The following WNK3 variants were observed in gnomAD, a reference collection of about 807,000 sequenced individuals.
The protein encoded by WNK3 is WNK lysine deficient protein kinase 3, also known as serine/threonine-protein kinase WNK3.
A neutral mutation model predicts 116.7 loss-of-function variants in WNK3; 18 were observed. That is an observed-to-expected ratio of 0.15 (90% CI 0.11 to 0.23). WNK3 has a LOEUF of 0.23. Among genes scored for constraint, WNK3 ranks in the 10% least tolerant of loss-of-function variants. The pLI is 1.00. For synonymous variants in WNK3, 404 were observed against 469.4 expected (o/e 0.86, Z 1.80); for missense variants, 993 against 1,323.8 (o/e 0.75, Z 3.88).
At chrX:54,264,702 A>C (rs1224376909) in intron 10 of WNK3, among the ~76,000 whole-genome samples, 1 of 111,371 alleles carries the variant, frequency 9.0e-6, no homozygotes, top group African/African-American at 3.3e-5. Flanking sequence ...GGGGAGCCTA[A>C]CTTCATGAAA....
chrX:54,242,598 A>C (rs1453840228), intron 17 of WNK3, among the ~76,000 whole-genome samples: 1 of 112,517 alleles, frequency 8.9e-6, no homozygotes, highest in Non-Finnish European at 1.9e-5. Context: ...TGATGAATTG[A>C]ATTAGTCCAG....
chrX:54,318,265 C>A (rs2068985702), intron 2 of WNK3, among the ~76,000 whole-genome samples: 1 of 107,528 alleles, frequency 9.3e-6, no homozygotes. Context: ...GAGGCTGAGG[C>A]ATGAGAATTG....
At chrX:54,317,174 T>C (rs77936392) in intron 2 of WNK3, among the ~76,000 whole-genome samples, 16 of 105,988 alleles carry the variant, frequency 1.5e-4, no homozygotes, top group East Asian at 2.9e-4. Context: ...TTTTTTTTTT[T>C]CCTGAGATGG....
chrX:54,252,088 GAAAAGA>G (rs1266071785), intron 13 of WNK3, among the ~76,000 whole-genome samples: 2 of 100,351 alleles, frequency 2.0e-5, no homozygotes, highest in Non-Finnish European at 4.1e-5. Flanking sequence ...AAAAAGAAAA[GAAAAGA>G]AAAAGAAAAA....
intron 6 of WNK3, among the ~76,000 whole-genome samples, chrX:54,301,474 A>G (rs2068758164): frequency 9.0e-6 from 1 of 110,865 alleles, no homozygotes; most frequent in Non-Finnish European, 1.9e-5. Flanking sequence ...GTTAGAAGCA[A>G]ATTAACTTGT....
chrX:54,241,637 G>A (rs2068022072), intron 17 of WNK3, among the ~76,000 whole-genome samples: 1 of 111,282 alleles, frequency 9.0e-6, no homozygotes, highest in South Asian at 3.7e-4. Flanking sequence ...AAAGCAAAAG[G>A]ACAAACAAAT....
At chrX:54,245,504 T>C (rs1488513937) in intron 17 of WNK3, among the ~76,000 whole-genome samples, 5 of 109,342 alleles carry the variant, frequency 4.6e-5, no homozygotes, top group East Asian at 2.9e-4. Flanking sequence ...CACACACACA[T>C]ACACATACAT....
chrX:54,202,306 T>C (rs886394889), intron 22 of WNK3, 113 bp from the exon 23 acceptor site: 32 of 641,866 alleles, frequency 5.0e-5, no homozygotes, highest in Middle Eastern at 3.9e-4. Flanking sequence ...GGGGTGCAAT[T>C]AGGGTGAACA....
intron 6 of WNK3, 37 bp from the exon 7 acceptor site, chrX:54,298,431 C>T (rs781848075): frequency 9.7e-7 from 1 of 1,027,389 alleles, no homozygotes; most frequent in Non-Finnish European, 1.4e-6. Context: ...ATCAGTTCTT[C>T]CAATCATAGC....
At chrX:54,211,054 C>T (rs2067607032) in intron 22 of WNK3, among the ~76,000 whole-genome samples, 1 of 111,630 alleles carries the variant, frequency 9.0e-6, no homozygotes, top group African/African-American at 3.3e-5. Flanking sequence ...ATAGGGGATT[C>T]ACTTGATTTA....
intron 22 of WNK3, among the ~76,000 whole-genome samples, chrX:54,224,431 A>ATAC (rs1478137470): frequency 9.2e-6 from 1 of 109,108 alleles, no homozygotes; most frequent in Non-Finnish European, 1.9e-5. Context: ...AATAATAATA[A>ATAC]TTCTCCTTCA....
intron 2 of WNK3, among the ~76,000 whole-genome samples, chrX:54,322,843 C>G (rs1483551405): frequency 9.0e-6 from 1 of 111,451 alleles, no homozygotes; most frequent in Non-Finnish European, 1.9e-5. Context: ...CCTGCTATTA[C>G]TAACTATACC....
At chrX:54,254,216 T>C in intron 12 of WNK3, 141 bp from the exon 13 acceptor site, 3 of 409,351 alleles carry the variant, frequency 7.3e-6, no homozygotes, top group South Asian at 1.3e-4. Context: ...CTTGGTGGAA[T>C]ACCATCTAAA....
intron 1 of WNK3, among the ~76,000 whole-genome samples, chrX:54,346,972 C>A (rs1017039605): frequency 2.7e-5 from 3 of 111,705 alleles, no homozygotes; most frequent in Non-Finnish European, 5.6e-5. Context: ...CAGTAATGAA[C>A]CATGTTGGCA....
chrX:54,272,665 A>G (rs868983212), intron 10 of WNK3, among the ~76,000 whole-genome samples: 26 of 112,046 alleles, frequency 2.3e-4, no homozygotes, highest in African/African-American at 8.4e-4. Context: ...AGTGTTATAC[A>G]CATCAACAGA....
chrX:54,257,783 CTG>C (rs1557155836), intron 11 of WNK3, among the ~76,000 whole-genome samples: 2 of 68,342 alleles, frequency 2.9e-5, no homozygotes, highest in Non-Finnish European at 5.1e-5. Context: ...GAGTAAGACT[CTG>C]CCTCAAAAAA....
At position 54,246,012 on chromosome X, in the gene WNK3, T is replaced by A. The variant is rs145389082; in HGVS notation, c.3651+2685A>T. Among the ~76,000 whole-genome samples, 534 of 112,251 alleles carry A rather than the reference T, an allele frequency of 4.8e-3. 2 individuals are homozygous for A. The highest frequency in any genetic ancestry group is 0.016 in the African/African-American group (501 of 31,002). On this transcript the variant is annotated intron_variant, in intron 17 of 23. Coordinates refer to ENST00000354646, the Ensembl canonical transcript of WNK3. ...GCAAAAAACTATTTTTCCATAAAATTTTGCCTTTCTCTCATTACTAAGAAA... is the reference window on the plus strand; with the variant it reads ...GCAAAAAACTATTTTTCCATAAAATATTGCCTTTCTCTCATTACTAAGAAA...
At position 54,213,571 on chromosome X, in the gene WNK3, A is replaced by AC. The variant is rs1569535340; in HGVS notation, c.4871-11379_4871-11378insG. Among the ~76,000 whole-genome samples, 342 of 99,495 alleles carry AC rather than the reference A, an allele frequency of 3.4e-3. 1 individual carries two copies. Among genetic ancestry groups the AC allele is most frequent in the Middle Eastern group, 0.015 (3 of 200 alleles). The allele number at this position is 99,495 out of a possible 115,157, so 86.4% of individuals were successfully genotyped here. A position where few individuals can be genotyped will look rare whatever the true frequency, so the allele number is the denominator to read the frequency against. ...TCCGTCTCAAAAAAAAAAACAAACA[A>AC]AAAAAAAAAAACTAGGGGAAAAAAA... On this transcript the variant is annotated intron_variant, in intron 22 of 23. Transcript: ENST00000354646.
chrX:54,273,108 G>A (rs1271235199), intron 10 of WNK3, among the ~76,000 whole-genome samples: 1 of 111,784 alleles, frequency 8.9e-6, no homozygotes, highest in Non-Finnish European at 1.9e-5. Context: ...TGAAACCCCT[G>A]CTTCTAGTTG....
Sources: gnomAD v4.1 joint callset for allele counts (sites outside exome capture counted in the v4.1 genomes callset) on GRCh38, gnomAD v4.1.1 for gene constraint, MANE v1.5 for transcripts, NCBI Gene and HGNC (gene_info 2026-07-23, HGNC 2026-07-21) for gene names.